Variants in ADAMTS18 observed in about 807,000 individuals in gnomAD.
ADAMTS18 encodes ADAM metallopeptidase with thrombospondin type 1 motif 18.
A neutral mutation model predicts 165.9 loss-of-function variants in ADAMTS18; 157 were observed. The observed-to-expected ratio is 0.95, with a 90% CI of 0.83 to 1.08. ADAMTS18 has a LOEUF of 1.08. Among genes scored for constraint, ADAMTS18 ranks in the 50% least tolerant of loss-of-function variants. The pLI, the probability that ADAMTS18 is intolerant of heterozygous loss-of-function variation, is 0.00. For synonymous variants in ADAMTS18, 782 were observed against 578.2 expected (o/e 1.35, Z -5.06); for missense variants, 2,040 against 1,534.0 (o/e 1.33, Z -5.51).
intron 3 of ADAMTS18, among the ~76,000 whole-genome samples, chr16:77,420,816 C>G (rs549020292): frequency 2.6e-5 from 4 of 152,234 alleles, no homozygotes; most frequent in African/African-American, 9.6e-5. Flanking sequence ...AGACTGCATG[C>G]AGTATTTACC....
rs139255560 is a variant in ADAMTS18 at position 77,419,490 on chromosome 16, G to T, written c.495+11805C>A. Among the ~76,000 whole-genome samples, 41 of 152,166 alleles carry T rather than the reference G, an allele frequency of 2.7e-4. No individual in the cohort carries two copies. The East Asian group carries it at 7.2e-3, about 27-fold the overall frequency. ...ATTTCTCATATGCTAAACCCCTCTA[G>T]CTATGAACCTCTCTGACTTCTTCTC... is the stretch of plus-strand genomic sequence containing the variant. On this transcript the variant is annotated intron_variant, in intron 3 of 22. Coordinates refer to ENST00000282849, the MANE Select transcript of ADAMTS18 (RefSeq NM_199355.4).
chr16:77,373,080 T>A (rs990583085), intron 3 of ADAMTS18, among the ~76,000 whole-genome samples: 1 of 152,242 alleles, frequency 6.6e-6, no homozygotes, highest in East Asian at 1.9e-4. Context: ...TCACACATTT[T>A]TTTTCTTTCC....
At chr16:77,394,702 G>C (rs536522010) in intron 3 of ADAMTS18, among the ~76,000 whole-genome samples, 1 of 152,156 alleles carries the variant, frequency 6.6e-6, no homozygotes, top group Non-Finnish European at 1.5e-5. Flanking sequence ...AAAATTTCAA[G>C]AAAGTATTTA....
chr16:77,293,550 T>C (rs1244871768), intron 19 of ADAMTS18, among the ~76,000 whole-genome samples: 1 of 151,872 alleles, frequency 6.6e-6, no homozygotes, highest in Non-Finnish European at 1.5e-5. Flanking sequence ...AAGGAATATA[T>C]TCTCTCATTT....
intron 10 of ADAMTS18, among the ~76,000 whole-genome samples, chr16:77,349,380 T>C (rs1028622642): frequency 2.0e-5 from 3 of 152,048 alleles, no homozygotes; most frequent in Admixed American, 6.6e-5. Flanking sequence ...TGATAGCTTA[T>C]CTTTACAGGT....
chr16:77,384,205 C>T (rs923537846), intron 3 of ADAMTS18, among the ~76,000 whole-genome samples: 3 of 152,162 alleles, frequency 2.0e-5, no homozygotes, highest in Non-Finnish European at 4.4e-5. Flanking sequence ...AGCAAGACTT[C>T]AACGTCTACA....
At chr16:77,318,527 T>C (rs2055928154) in intron 16 of ADAMTS18, among the ~76,000 whole-genome samples, 1 of 152,186 alleles carries the variant, frequency 6.6e-6, no homozygotes, top group Non-Finnish European at 1.5e-5. Context: ...TTGTGGGCAT[T>C]CAGGAAATGA....
chr16:77,398,949 T>TAC (rs1307576628), intron 3 of ADAMTS18, among the ~76,000 whole-genome samples: 1 of 152,010 alleles, frequency 6.6e-6, no homozygotes, highest in Non-Finnish European at 1.5e-5. Context: ...ATGTTGAAAA[T>TAC]ACAAAAAATA....
rs201197508 is a variant in ADAMTS18, at chr16:77,355,939, C to G, written c.1460+1G>C. 2 of 1,613,980 alleles carry G rather than the reference C, an allele frequency of 1.2e-6. No homozygotes were observed. Among genetic ancestry groups the G allele is most frequent in the Admixed American group, 1.7e-5 (1 of 60,008 alleles). On this transcript the variant is annotated splice_donor_variant, in intron 9 of 22. Transcript: ENST00000282849. LOFTEE classifies it high-confidence loss of function. Reference sequence around the variant, plus strand: ...GCACCCCAGGATTTAACCTGTCATACCTGAGGAATTTCTTGAGATACTGGC... The same window carrying G: ...GCACCCCAGGATTTAACCTGTCATAGCTGAGGAATTTCTTGAGATACTGGC...
intron 3 of ADAMTS18, among the ~76,000 whole-genome samples, chr16:77,423,276 T>C (rs919656105): frequency 3.9e-5 from 6 of 152,220 alleles, no homozygotes; most frequent in Non-Finnish European, 7.3e-5. Flanking sequence ...AAATATTAAC[T>C]GTTATGTTTT....
intron 3 of ADAMTS18, among the ~76,000 whole-genome samples, chr16:77,420,467 G>A (rs564691876): frequency 3.0e-4 from 45 of 152,276 alleles, no homozygotes; most frequent in Non-Finnish European, 6.0e-4. Context: ...TCTGGGGTGA[G>A]ACCTGAGCAT....
At chr16:77,352,222 C>G (rs1351515533) in intron 10 of ADAMTS18, among the ~76,000 whole-genome samples, 3 of 152,050 alleles carry the variant, frequency 2.0e-5, no homozygotes, top group Non-Finnish European at 4.4e-5. Context: ...TTTCTTCGGA[C>G]TGGAGTTATG....
intron 16 of ADAMTS18, among the ~76,000 whole-genome samples, chr16:77,311,135 T>C (rs1359840347): frequency 6.6e-6 from 1 of 152,222 alleles, no homozygotes; most frequent in African/African-American, 2.4e-5. Context: ...CACAGTGGCA[T>C]CCTCACGTGT....
chr16:77,426,621 A>T (rs1297663437), intron 3 of ADAMTS18, among the ~76,000 whole-genome samples: 2 of 152,194 alleles, frequency 1.3e-5, no homozygotes, highest in Non-Finnish European at 2.9e-5. Context: ...TCTCTTCCCT[A>T]GATTGTAAGC....
chr16:77,378,352 A>AAC (rs1555521548), intron 3 of ADAMTS18, among the ~76,000 whole-genome samples: 92 of 51,226 alleles, frequency 1.8e-3, no homozygotes, highest in African/African-American at 5.1e-3. Flanking sequence ...AAAAAAAACA[A>AAC]AAAAAAAAAA....
intron 10 of ADAMTS18, among the ~76,000 whole-genome samples, chr16:77,342,699 G>A (rs1038654008): frequency 6.6e-6 from 1 of 152,138 alleles, no homozygotes; most frequent in African/African-American, 2.4e-5. Flanking sequence ...ACAGAATAAT[G>A]GCCCCCAAAG....
At chr16:77,297,234 C>T in intron 18 of ADAMTS18, 55 bp downstream of exon 18, 1 of 1,606,148 alleles carries the variant, frequency 6.2e-7, no homozygotes, top group Non-Finnish European at 8.5e-7. Context: ...CTCATAACAA[C>T]AATGAAGGCA....
At chr16:77,357,343 G>A (rs959441770) in intron 8 of ADAMTS18, among the ~76,000 whole-genome samples, 3 of 152,062 alleles carry the variant, frequency 2.0e-5, no homozygotes, top group Non-Finnish European at 4.4e-5. Flanking sequence ...GACTTCCTTA[G>A]GTATTCAGAG....
intron 20 of ADAMTS18, among the ~76,000 whole-genome samples, chr16:77,291,869 T>G (rs1023917208): frequency 3.9e-5 from 6 of 152,108 alleles, no homozygotes; most frequent in Non-Finnish European, 4.4e-5. Context: ...GGAATCTGAG[T>G]TGAAGAGGGT....
Sources: gnomAD v4.1 joint callset for allele counts (sites outside exome capture counted in the v4.1 genomes callset) on GRCh38, gnomAD v4.1.1 for gene constraint, MANE v1.5 for transcripts, NCBI Gene and HGNC (gene_info 2026-07-23, HGNC 2026-07-21) for gene names.